The following TNRC6B variants were observed in gnomAD, a reference collection of about 807,000 sequenced individuals.
The protein encoded by TNRC6B is trinucleotide repeat containing adaptor 6B.
A neutral mutation model predicts 203.6 loss-of-function variants in TNRC6B; 52 were observed. The ratio of observed to expected loss-of-function variants is 0.26; its 90% CI spans 0.20 to 0.32. The LOEUF is 0.32. Among genes scored for constraint, TNRC6B ranks in the 10% least tolerant of loss-of-function variants. The probability of loss-of-function intolerance (pLI) is 1.00; values close to 1 mark genes in which losing one functional copy is unlikely to be tolerated. For synonymous variants in TNRC6B, 838 were observed against 845.7 expected (o/e 0.99, Z 0.16); for missense variants, 1,923 against 2,286.2 (o/e 0.84, Z 3.24).
Position 40,265,392 on chromosome 22 carries a change from C to T in TNRC6B, c.1162C>T (p.Pro388Ser). 6.2e-7 allele frequency: 1 copy of T among 1,613,922 alleles called. No homozygotes were observed. Among genetic ancestry groups the T allele is most frequent in the Non-Finnish European group, 8.5e-7 (1 of 1,179,860 alleles). Residue 388 changes from proline to serine, a missense_variant, in exon 5 of 23, where the codon CCC becomes TCC. Pro to Ser is a moderately conservative substitution (Grantham distance 74, BLOSUM62 -1). Transcript: ENST00000454349. Reference sequence around the variant, plus strand: ...CTCCTTGAACTTAAGTTCACCAAACCCCATGGAGAATAAGGGAATGCCCTT... The same window carrying T: ...CTCCTTGAACTTAAGTTCACCAAACTCCATGGAGAATAAGGGAATGCCCTT... ...TNSLNLSSPN[P>S]MENKGMPFGM...
upstream of TNRC6B, among the ~76,000 whole-genome samples, chr22:40,174,133 GT>G (rs1383704843): frequency 6.6e-6 from 1 of 150,962 alleles, no homozygotes; most frequent in African/African-American, 2.4e-5. Flanking sequence ...ACTCAGTTCA[GT>G]TATTTTTCAA....
intron 3 of TNRC6B, among the ~76,000 whole-genome samples, chr22:40,128,845 C>T (rs533442900): frequency 5.3e-4 from 81 of 152,124 alleles, no homozygotes; most frequent in African/African-American, 1.8e-3. Context: ...TTATTAAGCA[C>T]GTGTTATCAT....
At chr22:40,234,692 T>G (rs944356679) in intron 1 of TNRC6B, among the ~76,000 whole-genome samples, 2 of 152,244 alleles carry the variant, frequency 1.3e-5, no homozygotes, top group African/African-American at 2.4e-5. Context: ...AGAAATTTCT[T>G]TATCCCTTAA....
In TNRC6B at chr22:40,154,740, C is replaced by T. The variant is rs572447984; in HGVS notation, c.46-1375C>T. ...CCTGTAGTCCCAGCTGCTGGGGAAG[C>T]TGAGGCAGGAGAATGGTGTGAACCT... On this transcript the variant is annotated intron_variant, in intron 3 of 23. Coordinates refer to the TNRC6B transcript ENST00000301923. Among the ~76,000 whole-genome samples, 13 of 144,338 alleles carry T rather than the reference C, an allele frequency of 9.0e-5. No homozygotes were observed. The South Asian group carries it at 2.9e-3, about 32-fold the overall frequency. 94.7% of individuals were successfully genotyped at this position (144,338 alleles called of 152,430 possible).
At chr22:40,057,276 A>C (rs1443400106) in intron 1 of TNRC6B, among the ~76,000 whole-genome samples, 1 of 147,436 alleles carries the variant, frequency 6.8e-6, no homozygotes, top group African/African-American at 2.5e-5. Flanking sequence ...AAATGTGTAC[A>C]TTGAAAATAT....
In TNRC6B at chr22:40,312,924, C is replaced by G; in HGVS notation, c.4605C>G (p.Thr1535=). The change falls in exon 19 of 23, where the codon ACC becomes ACG. Residue 1535 remains threonine, a synonymous_variant. Transcript: ENST00000454349. ...AAGGGTCTAATTCTTCCCTCAACAC[C>G]TCGCTGCCTTCACCTGGTGCCTGGC... is the stretch of plus-strand genomic sequence containing the variant. ...NTTGSNSSLN[T]SLPSPGAWPY... is the part of the protein sequence containing the mutation. 6.2e-7 allele frequency: 1 copy of G among 1,613,770 alleles called. No homozygotes were observed. Among genetic ancestry groups the G allele is most frequent in the Non-Finnish European group, 8.5e-7 (1 of 1,179,816 alleles).
At chr22:40,245,183 C>T (rs866648987) in intron 1 of TNRC6B, among the ~76,000 whole-genome samples, 21 of 152,186 alleles carry the variant, frequency 1.4e-4, no homozygotes, top group African/African-American at 4.3e-4. Flanking sequence ...CTCCTCTTCC[C>T]GGGTTCCAGT....
intron 16 of TNRC6B, among the ~76,000 whole-genome samples, chr22:40,310,287 A>T (rs1285303887): frequency 2.0e-5 from 3 of 152,144 alleles, no homozygotes; most frequent in Admixed American, 2.0e-4. Context: ...ATTGCGTTGG[A>T]ATTTAAAGCA....
At chr22:40,203,719 T>G (rs1184368303) in intron 1 of TNRC6B, among the ~76,000 whole-genome samples, 1 of 152,044 alleles carries the variant, frequency 6.6e-6, no homozygotes, top group Non-Finnish European at 1.5e-5. Flanking sequence ...TCTGCCAATT[T>G]TGTTTTGTTT....
chr22:40,089,591 A>G (rs1601808907), intron 1 of TNRC6B, among the ~76,000 whole-genome samples: 3 of 152,226 alleles, frequency 2.0e-5, no homozygotes. Flanking sequence ...AGCAGAAAGT[A>G]TAGAGTTATC....
In TNRC6B at chr22:40,267,031, C is replaced by A; in HGVS notation, c.2801C>A (p.Ala934Glu). 6.3e-7 allele frequency: 1 copy of A among 1,590,332 alleles called. No individual in the cohort carries two copies. ...CCCACCCCAATGACCAGTAAATCGG[C>A]ATCAGGTAAGCAGTGGCTTTCTCTT... is the stretch of plus-strand genomic sequence containing the variant. ...NLPTPMTSKS[A>E]SVWSKSTPPA... is the part of the protein sequence containing the mutation. Residue 934 changes from alanine (A) to glutamate (E), a missense_variant, in exon 5 of 23, where the codon GCA becomes GAA. This residue lies in a region of TNRC6B where 599 missense variants were observed against 656.5 expected (regional missense o/e 0.91). Coordinates refer to ENST00000454349, the MANE Select transcript of TNRC6B (RefSeq NM_001162501.2).
intron 1 of TNRC6B, among the ~76,000 whole-genome samples, chr22:40,071,301 C>G (rs1219848653): frequency 6.6e-6 from 1 of 152,108 alleles, no homozygotes; most frequent in Non-Finnish European, 1.5e-5. Flanking sequence ...TCTCATAGTT[C>G]CCCTCTTCTC....
At chr22:40,319,337 A>G (rs1375974591) in intron 21 of TNRC6B, among the ~76,000 whole-genome samples, 1 of 151,162 alleles carries the variant, frequency 6.6e-6, no homozygotes, top group African/African-American at 2.4e-5. Flanking sequence ...ACCCTTGGTC[A>G]AACCATAGTC....
intron 5 of TNRC6B, among the ~76,000 whole-genome samples, chr22:40,269,053 C>A (rs573358701): frequency 9.1e-4 from 136 of 149,940 alleles, no homozygotes; most frequent in African/African-American, 3.2e-3. Flanking sequence ...CTTCACCTTG[C>A]TTTTCTCATT....
intron 6 of TNRC6B, among the ~76,000 whole-genome samples, chr22:40,271,501 C>G (rs919659884): frequency 4.6e-5 from 7 of 152,168 alleles, no homozygotes; most frequent in Non-Finnish European, 7.4e-5. Context: ...TCATGAATCT[C>G]CTCGACCTCA....
intron 15 of TNRC6B, 69 bp downstream of exon 15, chr22:40,301,402 C>CCTG (rs750856883): frequency 4.3e-4 from 623 of 1,447,908 alleles, no homozygotes; most frequent in Non-Finnish European, 5.6e-4. Flanking sequence ...AGGGGTTGCA[C>CCTG]CTGCATTACC....
chr22:40,180,070 G>T (rs1414450737), intron 1 of TNRC6B, among the ~76,000 whole-genome samples: 1 of 152,170 alleles, frequency 6.6e-6, no homozygotes, highest in Non-Finnish European at 1.5e-5. Flanking sequence ...TAAAGAGGTA[G>T]TCTGGAACAA....
At chr22:40,156,781 C>G (rs1446725874) in intron 4 of TNRC6B, among the ~76,000 whole-genome samples, 1 of 135,874 alleles carries the variant, frequency 7.4e-6, no homozygotes, top group Non-Finnish European at 1.5e-5. Context: ...TTTCTTGAGA[C>G]GGAGTATCAC....
intron 4 of TNRC6B, among the ~76,000 whole-genome samples, chr22:40,170,632 C>CCT (rs2068974469): frequency 8.1e-6 from 1 of 123,962 alleles, no homozygotes; most frequent in Non-Finnish European, 1.6e-5. Flanking sequence ...CATATATGAA[C>CCT]ATACATACAT....
Sources: gnomAD v4.1 joint callset for allele counts (sites outside exome capture counted in the v4.1 genomes callset) on GRCh38, gnomAD v4.1.1 for gene constraint, gnomAD v4.1.1 regional missense constraint, MANE v1.5 for transcripts, NCBI Gene and HGNC (gene_info 2026-07-23, HGNC 2026-07-21) for gene names.